CCSER1: variants seen among roughly 807,000 people sequenced by gnomAD.
CCSER1 encodes the protein coiled-coil serine rich protein 1.
A neutral mutation model predicts 82.0 loss-of-function variants in CCSER1; 41 were observed. That is an observed-to-expected ratio of 0.50 (90% confidence interval 0.39 to 0.65). CCSER1 has a LOEUF of 0.65. CCSER1 is among the 30% of genes least tolerant of loss of function. CCSER1 has a pLI of 0.00. For synonymous variants in CCSER1, 414 were observed against 383.9 expected, an observed-to-expected ratio of 1.08 and a Z score of -0.92; for missense variants, 1,119 against 1,064.2, an observed-to-expected ratio of 1.05 and a Z score of -0.72.
chr4:91,167,955 C>A (rs147305590), intron 10 of CCSER1, among the ~76,000 whole-genome samples: 12 of 149,530 alleles, frequency 8.0e-5, no homozygotes, highest in Non-Finnish European at 4.4e-5. Flanking sequence ...GCCACCACCC[C>A]GTCTGGGAAG....
intron 10 of CCSER1, among the ~76,000 whole-genome samples, chr4:91,257,501 ACC>A (rs1553917651): frequency 6.9e-6 from 1 of 145,974 alleles, no homozygotes; most frequent in African/African-American, 2.5e-5. Context: ...ACACACACAC[ACC>A]CATTTCTGTA....
chr4:91,535,449 A>G (rs2110179606), intron 10 of CCSER1, among the ~76,000 whole-genome samples: 1 of 150,656 alleles, frequency 6.6e-6, no homozygotes, highest in South Asian at 2.1e-4. Flanking sequence ...GAGACGGAAT[A>G]AAATCTCACA....
intron 8 of CCSER1, among the ~76,000 whole-genome samples, chr4:90,828,713 C>T (rs1402232618): frequency 1.3e-5 from 2 of 152,084 alleles, no homozygotes; most frequent in African/African-American, 2.4e-5. Context: ...TTGTTTTTCC[C>T]TCTCATTGGT....
At chr4:91,525,355 T>C (rs1293509009) in intron 10 of CCSER1, among the ~76,000 whole-genome samples, 2 of 152,142 alleles carry the variant, frequency 1.3e-5, no homozygotes, top group Non-Finnish European at 2.9e-5. Context: ...CAATGGTATG[T>C]AGACTAGATG....
chr4:90,294,540 A>C (rs1438417456), intron 1 of CCSER1, among the ~76,000 whole-genome samples: 1 of 152,028 alleles, frequency 6.6e-6, no homozygotes, highest in Non-Finnish European at 1.5e-5. Context: ...TGATATGTCC[A>C]ATCTCCTATT....
intron 5 of CCSER1, among the ~76,000 whole-genome samples, chr4:90,533,872 G>A (rs903735140): frequency 6.6e-6 from 1 of 151,932 alleles, no homozygotes; most frequent in Non-Finnish European, 1.5e-5. Context: ...TTACATTACA[G>A]GTACTTGACA....
At chr4:90,140,306 G>A (rs1038402672) in intron 1 of CCSER1, among the ~76,000 whole-genome samples, 13 of 152,174 alleles carry the variant, frequency 8.5e-5, no homozygotes, top group African/African-American at 3.1e-4. Context: ...TGAATCATTT[G>A]TGTTGTGTAA....
chr4:91,544,023 ACTTCT>A (rs1174670758), intron 10 of CCSER1, among the ~76,000 whole-genome samples: 2 of 151,270 alleles, frequency 1.3e-5, no homozygotes, highest in Admixed American at 6.6e-5. Flanking sequence ...TTTTCTCTAA[ACTTCT>A]CTTCTCGCTC....
At chr4:91,088,948 G>A (rs7658597) in intron 10 of CCSER1, among the ~76,000 whole-genome samples, 99,234 of 151,734 alleles carry the variant, frequency 0.65, 32,855 homozygotes, top group East Asian at 0.95. Flanking sequence ...TAGTTTTTTT[G>A]TTTTCCAAAG....
intron 1 of CCSER1, among the ~76,000 whole-genome samples, chr4:90,274,443 A>G (rs1056331926): frequency 2.0e-5 from 3 of 152,000 alleles, no homozygotes; most frequent in Admixed American, 6.6e-5. Flanking sequence ...CGTGTTATCT[A>G]TCAGCTTTGC....
At chr4:91,481,313 C>T (rs1337014298) in intron 10 of CCSER1, among the ~76,000 whole-genome samples, 3 of 151,962 alleles carry the variant, frequency 2.0e-5, no homozygotes, top group Non-Finnish European at 4.4e-5. Context: ...TTGGTTTATC[C>T]TTAAGCTTTT....
intron 10 of CCSER1, among the ~76,000 whole-genome samples, chr4:91,283,518 T>C (rs1743068313): frequency 1.3e-5 from 2 of 152,174 alleles, no homozygotes; most frequent in Non-Finnish European, 2.9e-5. Context: ...ATATCATGTG[T>C]GTTCTACTTT....
chr4:91,377,861 T>G (rs1340455464), intron 10 of CCSER1, among the ~76,000 whole-genome samples: 1 of 152,200 alleles, frequency 6.6e-6, no homozygotes, highest in Non-Finnish European at 1.5e-5. Context: ...TAGGTTTTCT[T>G]CTAGGGTTTT....
intron 9 of CCSER1, among the ~76,000 whole-genome samples, chr4:91,073,619 CTGAT>C (rs1721657199): frequency 6.6e-6 from 1 of 151,910 alleles, no homozygotes; most frequent in Admixed American, 6.6e-5. Context: ...ACACAACAAA[CTGAT>C]AGAGTAAAAT....
At chr4:91,440,674 T>G (rs1285837023) in intron 10 of CCSER1, among the ~76,000 whole-genome samples, 1 of 151,962 alleles carries the variant, frequency 6.6e-6, no homozygotes, top group African/African-American at 2.4e-5. Flanking sequence ...AATTAATGAA[T>G]CCAGGAGCTG....
chr4:90,891,858 T>G, intron 8 of CCSER1, among the ~76,000 whole-genome samples: 1 of 152,130 alleles, frequency 6.6e-6, no homozygotes, highest in East Asian at 1.9e-4. Context: ...AAAGTTTTAC[T>G]GTTTGACATA....
chr4:90,538,266 CATAGTT>C (rs1185236397), intron 5 of CCSER1, among the ~76,000 whole-genome samples: 1 of 152,008 alleles, frequency 6.6e-6, no homozygotes, highest in Admixed American at 6.6e-5. Context: ...TCTTTTCACT[CATAGTT>C]ATGCAGTTTT....
intron 7 of CCSER1, among the ~76,000 whole-genome samples, chr4:90,761,573 C>T (rs540112127): frequency 6.6e-6 from 1 of 152,162 alleles, no homozygotes; most frequent in South Asian, 2.1e-4. Context: ...ATGCCAGTGT[C>T]GGCAATATAT....
intron 10 of CCSER1, among the ~76,000 whole-genome samples, chr4:91,145,990 G>T (rs1038958289): frequency 1.3e-5 from 2 of 152,078 alleles, no homozygotes; most frequent in African/African-American, 2.4e-5. Context: ...GAATTTGCAT[G>T]CTATCCTCTC....
Sources: allele counts gnomAD v4.1 joint callset (sites outside exome capture counted in the v4.1 genomes callset), GRCh38; gene constraint gnomAD v4.1.1; transcripts MANE v1.5; gene names NCBI Gene and HGNC (gene_info 2026-07-23, HGNC 2026-07-21).